COL14A1: variants seen among roughly 807,000 people sequenced by gnomAD.
COL14A1 encodes the protein collagen type XIV alpha 1 chain, also known as collagen alpha-1(XIV) chain.
In COL14A1, 136 loss-of-function variants were observed where a neutral mutation model predicts 230.3. That is an observed-to-expected ratio of 0.59 (90% CI 0.51 to 0.68). The LOEUF (loss-of-function observed/expected upper bound fraction) is 0.68. Among genes scored for constraint, COL14A1 ranks in the 30% least tolerant of loss-of-function variants. COL14A1 has a pLI of 0.00. For synonymous variants in COL14A1, 792 were observed against 784.1 expected (o/e 1.01, Z -0.17); for missense variants, 1,976 against 2,215.8 (o/e 0.89, Z 2.17).
intron 25 of COL14A1, among the ~76,000 whole-genome samples, chr8:120,268,368 TTCTGATGCAGATATTACAGAATGC>T (rs1819560376): frequency 6.6e-6 from 1 of 151,754 alleles, no homozygotes; most frequent in Non-Finnish European, 1.5e-5. Flanking sequence ...AATTAGGCAC[TTCTGATGCAGATATTACAGAATGC>T]TCTGTAATAT....
At chr8:120,172,469 C>T (rs549768715) in intron 5 of COL14A1, among the ~76,000 whole-genome samples, 11 of 152,132 alleles carry the variant, frequency 7.2e-5, no homozygotes, top group African/African-American at 2.2e-4. Context: ...ATTCTCGTTG[C>T]TTGTTTATAC....
At chr8:120,232,776 C>T (rs4871048) in intron 19 of COL14A1, among the ~76,000 whole-genome samples, 148,725 of 152,338 alleles carry the variant, frequency 0.98, 72,632 homozygotes, top group East Asian at 1. Flanking sequence ...TTTGGGTATA[C>T]ACCCAGTAAT....
chr8:120,230,002 C>T (rs996705463), intron 18 of COL14A1, among the ~76,000 whole-genome samples: 1 of 152,084 alleles, frequency 6.6e-6, no homozygotes, highest in African/African-American at 2.4e-5. Flanking sequence ...AGCCTCAGCC[C>T]CCCACGTAGC....
rs547408989 is a variant in COL14A1, at chr8:120,240,238, C to A, written c.2350-3641C>A. ...TTACAGAAGAACCTACTGTAGAATT[C>A]TTTAAGTATCAAGCTCCTTTAGAGG... On this transcript the variant is annotated intron_variant, in intron 19 of 47. Transcript: ENST00000297848. Among the ~76,000 whole-genome samples the A allele has an allele frequency of 1.9e-3, 292 of 150,850 alleles. 1 individual carries two copies. The highest frequency in any genetic ancestry group is 6.9e-3 in the African/African-American group (283 of 41,158).
chr8:120,345,244 C>G (rs1822458434), intron 44 of COL14A1, 131 bp from the exon 45 acceptor site: 1 of 751,824 alleles, frequency 1.3e-6, no homozygotes. Context: ...CAACATATTT[C>G]AAAGGGGTGT....
At chr8:120,300,645 C>G in intron 35 of COL14A1, 87 bp from the exon 36 acceptor site, 1 of 982,202 alleles carries the variant, frequency 1.0e-6, no homozygotes, top group Non-Finnish European at 1.6e-6. Flanking sequence ...CTAAAAATAT[C>G]TTAAATCAAA....
At chr8:120,268,961 A>G (rs1241201755) in intron 25 of COL14A1, among the ~76,000 whole-genome samples, 1 of 151,768 alleles carries the variant, frequency 6.6e-6, no homozygotes, top group Non-Finnish European at 1.5e-5. Context: ...AATTTGTAAA[A>G]TTTTATAAAT....
chr8:120,271,778 G>A (rs1020336310), intron 26 of COL14A1, among the ~76,000 whole-genome samples: 4 of 151,508 alleles, frequency 2.6e-5, no homozygotes, highest in Non-Finnish European at 5.9e-5. Context: ...GAGTCTTGTG[G>A]ACCATCAAAG....
At chr8:120,248,917 C>CTTTT (rs71571673) in intron 21 of COL14A1, among the ~76,000 whole-genome samples, 5,033 of 84,170 alleles carry the variant, frequency 0.06, 1,138 homozygotes, top group East Asian at 0.12. Context: ...TTCAATCTTT[C>CTTTT]TTTTTTTTTT....
chr8:120,197,005 A>G (rs1817059748), intron 6 of COL14A1, 59 bp downstream of exon 6: 7 of 1,526,704 alleles, frequency 4.6e-6, no homozygotes, highest in Non-Finnish European at 6.2e-6. Context: ...GCTGGGAAGT[A>G]TTTTAAGAAA....
intron 13 of COL14A1, among the ~76,000 whole-genome samples, chr8:120,214,926 G>A (rs1013226049): frequency 2.0e-5 from 3 of 152,212 alleles, no homozygotes; most frequent in African/African-American, 7.2e-5. Flanking sequence ...TCTAGGGGAA[G>A]AGCCTTGAAG....
intron 19 of COL14A1, among the ~76,000 whole-genome samples, chr8:120,238,794 G>A (rs1054384700): frequency 6.6e-6 from 1 of 152,180 alleles, no homozygotes; most frequent in African/African-American, 2.4e-5. Context: ...GAAAAGCATA[G>A]TATCTGGGCT....
rs537642431 is a variant in COL14A1 at position 120,350,256 on chromosome 8, C to A, written c.5077+4693C>A. On this transcript the variant is annotated intron_variant, in intron 45 of 47. Coordinates refer to ENST00000297848, the MANE Select transcript of COL14A1 (RefSeq NM_021110.4). ...AGGAAGCAATAAACATGGAAAGGAACAACCGGTACCAGCCGCTGCAAAATC... is the reference window on the plus strand; with the variant it reads ...AGGAAGCAATAAACATGGAAAGGAAAAACCGGTACCAGCCGCTGCAAAATC... 4.3e-4 allele frequency among the ~76,000 whole-genome samples: 66 copies of A among 152,078 alleles called. No individual in the cohort carries two copies. The South Asian group carries it at 0.013, about 31-fold the overall frequency.
chr8:120,301,495 G>GC (rs1205410697), intron 36 of COL14A1, among the ~76,000 whole-genome samples: 2 of 151,992 alleles, frequency 1.3e-5, no homozygotes, highest in African/African-American at 2.4e-5. Context: ...AAGGATAATG[G>GC]CCTCCTGCTC....
chr8:120,289,519 A>G lies in COL14A1; in HGVS notation c.4078-89A>G, dbSNP rs1230753728. 18 of 1,204,436 alleles carry G rather than the reference A, an allele frequency of 1.5e-5. No homozygotes were observed. In the East Asian group the frequency reaches 1.7e-4, roughly 11 times the overall value. 74.6% of individuals were successfully genotyped at this position (1,204,436 alleles called of 1,614,324 possible). A position where few individuals can be genotyped will look rare whatever the true frequency, so the allele number is the denominator to read the frequency against. On this transcript the variant is annotated intron_variant, in intron 33 of 47. Transcript: ENST00000297848. ...CAGAATTCTTTCTCTTCTCTTTCAT[A>G]CTTTGTAATGATGAATCATACAATT...
intron 20 of COL14A1, among the ~76,000 whole-genome samples, chr8:120,245,806 TC>T (rs1206954081): frequency 2.0e-5 from 3 of 152,126 alleles, no homozygotes; most frequent in African/African-American, 4.8e-5. Flanking sequence ...CTCCATGTGG[TC>T]TTTCCAGCAG....
intron 21 of COL14A1, among the ~76,000 whole-genome samples, chr8:120,249,369 C>G (rs1818870426): frequency 6.6e-6 from 1 of 152,066 alleles, no homozygotes; most frequent in Non-Finnish European, 1.5e-5. Context: ...ATCCTTATAA[C>G]TAGGAAAATA....
intron 24 of COL14A1, among the ~76,000 whole-genome samples, chr8:120,263,422 A>G (rs1258003276): frequency 2.0e-5 from 3 of 152,208 alleles, no homozygotes; most frequent in African/African-American, 7.2e-5. Flanking sequence ...AGATGTTCCA[A>G]CTGGATGACC....
In COL14A1 at chr8:120,319,927, G is replaced by A. The variant is rs769163403; in HGVS notation, c.4659+3930G>A. Among the ~76,000 whole-genome samples, 109 of 152,210 alleles carry A rather than the reference G, an allele frequency of 7.2e-4. 1 individual carries two copies. Among genetic ancestry groups the A allele is most frequent in the South Asian group, 2.1e-4 (1 of 4,822 alleles). On this transcript the variant is annotated intron_variant, in intron 40 of 47. Coordinates refer to ENST00000297848, the MANE Select transcript of COL14A1 (RefSeq NM_021110.4). ...GGTCATTCCAACAGAAAGCATTTTC[G>A]TCTCATCTTTCATTTGCACTGTAAA...
Sources: allele counts gnomAD v4.1 joint callset (sites outside exome capture counted in the v4.1 genomes callset), GRCh38; gene constraint gnomAD v4.1.1; transcripts MANE v1.5; gene names NCBI Gene and HGNC (gene_info 2026-07-23, HGNC 2026-07-21).